The following ORC4 variants were observed in gnomAD, a reference collection of about 807,000 sequenced individuals.
The protein encoded by ORC4 is origin recognition complex, subunit 4 homolog.
ORC4 carries 55 observed loss-of-function variants against 63.9 expected under a neutral mutation model. The observed-to-expected ratio is 0.86, with a 90% CI of 0.69 to 1.08. The LOEUF (loss-of-function observed/expected upper bound fraction) is 1.08, where lower values mean the gene tolerates loss of function less well. Ranked by LOEUF, ORC4 falls within the 50% of genes least tolerant of loss-of-function variation. The probability of loss-of-function intolerance (pLI) is 0.00; values close to 1 mark genes in which losing one functional copy is unlikely to be tolerated. For missense variants in ORC4, 511 were observed against 504.4 expected (o/e 1.01, Z -0.13); for synonymous variants, 150 against 168.5 (o/e 0.89, Z 0.85).
At chr2:147,970,054 C>T (rs1690123052) in intron 4 of ORC4, among the ~76,000 whole-genome samples, 2 of 151,978 alleles carry the variant, frequency 1.3e-5, no homozygotes. Context: ...AAGTGTTTAG[C>T]TATCTACTAG....
intron 10 of ORC4, among the ~76,000 whole-genome samples, chr2:147,939,891 C>T (rs555521107): frequency 3.1e-4 from 47 of 152,162 alleles, no homozygotes; most frequent in South Asian, 6.2e-4. Context: ...TAAATTTGGT[C>T]ATTTAGGGTT....
intron 1 of ORC4, among the ~76,000 whole-genome samples, chr2:148,007,560 C>T (rs186758001): frequency 4.1e-4 from 62 of 152,186 alleles, no homozygotes; most frequent in African/African-American, 1.4e-3. Flanking sequence ...TGAAGTATGC[C>T]TACAAAATCT....
At chr2:147,955,695 A>C (rs929485061) in intron 6 of ORC4, among the ~76,000 whole-genome samples, 11 of 151,976 alleles carry the variant, frequency 7.2e-5, no homozygotes, top group African/African-American at 2.7e-4. Flanking sequence ...TTCCGGAAAA[A>C]ATCTGAAAGA....
intron 1 of ORC4, among the ~76,000 whole-genome samples, chr2:147,976,734 C>T (rs1305334413): frequency 6.6e-6 from 1 of 152,032 alleles, no homozygotes; most frequent in African/African-American, 2.4e-5. Context: ...CTCATAAGTG[C>T]CTGTATTTTG....
At chr2:147,939,274 A>G in intron 10 of ORC4, 26 bp from the exon 11 acceptor site, 1 of 1,457,578 alleles carries the variant, frequency 6.9e-7, no homozygotes, top group Middle Eastern at 1.7e-4. Context: ...TCAGAAAAAC[A>G]ATTACGTATT....
intron 1 of ORC4, among the ~76,000 whole-genome samples, chr2:147,994,958 G>T (rs182047828): frequency 1.1e-4 from 16 of 152,272 alleles, no homozygotes; most frequent in African/African-American, 3.9e-4. Flanking sequence ...GGTCGAGTGG[G>T]GACTTGGACA....
At chr2:147,983,635 G>C (rs900704113) in intron 1 of ORC4, among the ~76,000 whole-genome samples, 6 of 152,204 alleles carry the variant, frequency 3.9e-5, no homozygotes, top group Non-Finnish European at 8.8e-5. Context: ...ATGAAAGTCT[G>C]GGAGGATTAT....
intron 1 of ORC4, among the ~76,000 whole-genome samples, chr2:147,979,436 T>C (rs887493487): frequency 6.6e-6 from 1 of 152,054 alleles, no homozygotes; most frequent in Non-Finnish European, 1.5e-5. Flanking sequence ...TGAAAGAAAG[T>C]GAAGACACAA....
chr2:147,943,165 G>T (rs1688459401), intron 10 of ORC4, among the ~76,000 whole-genome samples: 1 of 152,102 alleles, frequency 6.6e-6, no homozygotes, highest in African/African-American at 2.4e-5. Flanking sequence ...AACACTCGAT[G>T]TAGTGTTCCA....
Position 147,931,008 on chromosome 2 carries a change from C to T in ORC4, c.*4502G>A, listed in dbSNP as rs1374316452. On this transcript the variant is annotated 3_prime_UTR_variant, in exon 14 of 14. Coordinates refer to ENST00000392857, the MANE Select transcript of ORC4 (RefSeq NM_181741.4). ...TCTCCTAATGCTATCCCTCCCCCAT[C>T]CCCCCACCCCACAACAGTCCCCAGA... 2 of 139,698 alleles carry T rather than the reference C, an allele frequency of 1.4e-5. No individual in the cohort carries two copies. Among genetic ancestry groups the T allele is most frequent in the East Asian group, 2.1e-4 (1 of 4,778 alleles). 8.7% of individuals were successfully genotyped at this position (139,698 alleles called of 1,614,324 possible).
At chr2:147,988,702 A>T (rs1444308073) in intron 1 of ORC4, among the ~76,000 whole-genome samples, 1 of 152,086 alleles carries the variant, frequency 6.6e-6, no homozygotes, top group East Asian at 1.9e-4. Flanking sequence ...TAAGTGAAAT[A>T]ATCTCAGCTG....
intron 1 of ORC4, among the ~76,000 whole-genome samples, chr2:148,017,522 AT>A (rs1693381938): frequency 6.6e-6 from 1 of 152,204 alleles, no homozygotes; most frequent in African/African-American, 2.4e-5. Flanking sequence ...AAATAAAAAC[AT>A]TAGCCAGGTG....
intron 1 of ORC4, among the ~76,000 whole-genome samples, chr2:147,979,417 C>A (rs1263505102): frequency 6.6e-6 from 1 of 151,902 alleles, no homozygotes; most frequent in Non-Finnish European, 1.5e-5. Context: ...GAAAACTATA[C>A]AATATTGATG....
At chr2:147,966,419 A>C (rs1689895728) in intron 4 of ORC4, among the ~76,000 whole-genome samples, 1 of 152,116 alleles carries the variant, frequency 6.6e-6, no homozygotes, top group Admixed American at 6.6e-5. Flanking sequence ...AGGAATAAAC[A>C]AAATTGAGAC....
intron 1 of ORC4, among the ~76,000 whole-genome samples, chr2:147,980,595 T>C (rs992911846): frequency 3.3e-5 from 5 of 152,186 alleles, no homozygotes; most frequent in African/African-American, 1.2e-4. Flanking sequence ...AAATAGGTAT[T>C]TGAGAAAATT....
At chr2:147,991,199 C>G (rs1691570130) in intron 1 of ORC4, among the ~76,000 whole-genome samples, 2 of 151,952 alleles carry the variant, frequency 1.3e-5, no homozygotes, top group South Asian at 4.2e-4. Context: ...AGGCATGCGC[C>G]ACCACGCTCG....
In ORC4 at chr2:147,996,245, A is replaced by G. The variant is rs527531694; in HGVS notation, c.-17-20270T>C. Among the ~76,000 whole-genome samples, 6 of 152,300 alleles carry G rather than the reference A, an allele frequency of 3.9e-5. No homozygotes were observed. The East Asian group carries it at 1.2e-3, about 29-fold the overall frequency. On this transcript the variant is annotated intron_variant, in intron 1 of 13. Coordinates refer to ENST00000392857, the MANE Select transcript of ORC4 (RefSeq NM_181741.4). ...CTTGAACCCGGGAGGTGGAAGTTGT[A>G]GTGAGCCAAGATTGTGCCACTGCAC...
At chr2:148,013,875 T>G (rs1693115137) in intron 1 of ORC4, among the ~76,000 whole-genome samples, 1 of 152,144 alleles carries the variant, frequency 6.6e-6, no homozygotes, top group Non-Finnish European at 1.5e-5. Flanking sequence ...ACAAAAAAAC[T>G]AAATAATGAA....
At chr2:147,939,049 T>G in intron 11 of ORC4, 91 bp downstream of exon 11, 1 of 790,550 alleles carries the variant, frequency 1.3e-6, no homozygotes, top group South Asian at 1.4e-5. Flanking sequence ...TAAAGCATTA[T>G]GCCCACGTTA....
Sources: allele counts gnomAD v4.1 joint callset (sites outside exome capture counted in the v4.1 genomes callset), GRCh38; gene constraint gnomAD v4.1.1; transcripts MANE v1.5; gene names NCBI Gene and HGNC (gene_info 2026-07-23, HGNC 2026-07-21).